The following ARHGAP26 variants were observed in gnomAD, a reference collection of about 807,000 sequenced individuals.
ARHGAP26 encodes rho GTPase-activating protein 26.
ARHGAP26 carries 38 observed loss-of-function variants against 104.8 expected under a neutral mutation model. The observed-to-expected ratio is 0.36, with a 90% CI of 0.28 to 0.48. The LOEUF is 0.48. ARHGAP26 is among the 20% of genes least tolerant of loss of function. The pLI, the probability that ARHGAP26 is intolerant of heterozygous loss-of-function variation, is 0.99. For missense variants in ARHGAP26, 704 were observed against 947.9 expected (o/e 0.74, Z 3.38); for synonymous variants, 341 against 340.0 (o/e 1.00, Z -0.03).
intron 1 of ARHGAP26, among the ~76,000 whole-genome samples, chr5:142,802,917 C>T (rs1429909329): frequency 2.6e-5 from 4 of 152,188 alleles, no homozygotes; most frequent in African/African-American, 9.7e-5. Context: ...CTTGGGCCTA[C>T]CCCATAGGGC....
In ARHGAP26 at chr5:143,227,666, C is replaced by G. The variant is rs1413828577; in HGVS notation, c.*5220C>G. On this transcript the variant is annotated 3_prime_UTR_variant, in exon 23 of 23. Transcript: ENST00000645722. The stretch of plus-strand genomic sequence containing the variant: ...GAGCTTCCCAAAGTGGAGGGAAAGG[C>G]CATAGAATCCAGGTGTCATTCAGAG... 4.8e-5 allele frequency: 11 copies of G among 228,340 alleles called. No homozygotes were observed. The highest frequency in any genetic ancestry group is 6.9e-5 in the Non-Finnish European group (8 of 115,170). The allele number at this position is 228,340 out of a possible 1,614,324, so 14.1% of individuals were successfully genotyped here. A position where few individuals can be genotyped will look rare whatever the true frequency, so the allele number is the denominator to read the frequency against.
chr5:142,803,497 C>G (rs1762429803), intron 1 of ARHGAP26, among the ~76,000 whole-genome samples: 1 of 152,180 alleles, frequency 6.6e-6, no homozygotes, highest in Non-Finnish European at 1.5e-5. Context: ...CCTGGCCTTT[C>G]ACGAAAGGTC....
chr5:142,973,509 A>G (rs965486326), intron 11 of ARHGAP26, among the ~76,000 whole-genome samples: 4 of 152,240 alleles, frequency 2.6e-5, no homozygotes, highest in Non-Finnish European at 4.4e-5. Context: ...GCGAGAATAG[A>G]GAATTTTAAC....
At chr5:143,181,054 C>T (rs1235397256) in intron 20 of ARHGAP26, among the ~76,000 whole-genome samples, 1 of 152,210 alleles carries the variant, frequency 6.6e-6, no homozygotes, top group Admixed American at 6.5e-5. Context: ...ATTCTGTTCT[C>T]ACAGCAGCCT....
At chr5:142,886,709 A>G (rs1757756178) in intron 5 of ARHGAP26, among the ~76,000 whole-genome samples, 1 of 152,172 alleles carries the variant, frequency 6.6e-6, no homozygotes. Flanking sequence ...TGTGATTGAA[A>G]AACCTAAAAA....
intron 1 of ARHGAP26, among the ~76,000 whole-genome samples, chr5:142,870,211 C>T (rs1264445222): frequency 6.6e-6 from 1 of 152,198 alleles, no homozygotes; most frequent in Non-Finnish European, 1.5e-5. Flanking sequence ...TCTCTTTTCT[C>T]TCTCCTCTTA....
chr5:142,910,475 AC>A (rs1248220582), intron 9 of ARHGAP26, among the ~76,000 whole-genome samples: 8 of 152,364 alleles, frequency 5.3e-5, no homozygotes, highest in African/African-American at 1.9e-4. Context: ...GTGGTGGCTC[AC>A]GCCTGTTAAT....
chr5:143,094,354 C>T (rs968989106), intron 17 of ARHGAP26, among the ~76,000 whole-genome samples: 2 of 152,160 alleles, frequency 1.3e-5, no homozygotes, highest in African/African-American at 4.8e-5. Flanking sequence ...TCTTTTTTCC[C>T]TCGCGTTGCT....
In ARHGAP26 at chr5:143,041,840, G is replaced by A. The variant is rs1783517074; in HGVS notation, c.1235G>A (p.Arg412Gln). Residue 412 changes from arginine (R) to glutamine (Q), a missense_variant, in exon 14 of 23, where the codon CGA becomes CAA. Transcript: ENST00000645722. Reference sequence around the variant, plus strand: ...GGGATCAACGAGCAAGGGCTGTATCGAATTGTGGGTGTCAACTCCAGAGTG... The same window carrying A: ...GGGATCAACGAGCAAGGGCTGTATCAAATTGTGGGTGTCAACTCCAGAGTG... ...TRGINEQGLYRIVGVNSRVQK... is the reference protein window; with the variant it reads ...TRGINEQGLYQIVGVNSRVQK... 6.2e-7 allele frequency: 1 copy of A among 1,606,012 alleles called. No individual in the cohort carries two copies. Among genetic ancestry groups the A allele is most frequent in the Non-Finnish European group, 8.5e-7 (1 of 1,176,014 alleles).
At chr5:143,113,787 G>A (rs144727299) in intron 17 of ARHGAP26, among the ~76,000 whole-genome samples, 1 of 152,214 alleles carries the variant, frequency 6.6e-6, no homozygotes, top group African/African-American at 2.4e-5. Flanking sequence ...GAATGAGGGA[G>A]AGGCCCTCTT....
chr5:142,866,355 C>G (rs761925415), intron 1 of ARHGAP26, among the ~76,000 whole-genome samples: 26 of 152,180 alleles, frequency 1.7e-4, no homozygotes, highest in Non-Finnish European at 3.4e-4. Flanking sequence ...TCATTCCCTG[C>G]ATGATCTTGG....
At chr5:142,785,286 T>A (rs1758348219) in intron 1 of ARHGAP26, among the ~76,000 whole-genome samples, 1 of 152,196 alleles carries the variant, frequency 6.6e-6, no homozygotes, top group Admixed American at 6.5e-5. Flanking sequence ...CACATACCCT[T>A]TTCCTTCAGT....
At chr5:143,164,815 T>C (rs1801711720) in intron 20 of ARHGAP26, 1 of 152,178 alleles carries the variant, frequency 6.6e-6, no homozygotes, top group African/African-American at 2.4e-5. Flanking sequence ...GTTCCCAGTG[T>C]AACCCACTGG....
At chr5:143,113,201 G>C (rs1794975545) in intron 17 of ARHGAP26, among the ~76,000 whole-genome samples, 1 of 152,194 alleles carries the variant, frequency 6.6e-6, no homozygotes, top group African/African-American at 2.4e-5. Context: ...TATGCAAAGA[G>C]GTATCTTGTC....
At chr5:143,118,370 T>A (rs969187442) in intron 17 of ARHGAP26, among the ~76,000 whole-genome samples, 1 of 152,178 alleles carries the variant, frequency 6.6e-6, no homozygotes, top group Admixed American at 6.5e-5. Context: ...TTAGAAAGAT[T>A]GAGTCACTCT....
intron 1 of ARHGAP26, among the ~76,000 whole-genome samples, chr5:142,816,242 T>C (rs1265275551): frequency 6.6e-6 from 1 of 152,240 alleles, no homozygotes; most frequent in Non-Finnish European, 1.5e-5. Context: ...ATGTCTTTTT[T>C]TGTTTACCAT....
At chr5:143,001,448 G>A (rs1777178974) in intron 11 of ARHGAP26, among the ~76,000 whole-genome samples, 1 of 152,256 alleles carries the variant, frequency 6.6e-6, no homozygotes, top group South Asian at 2.1e-4. Flanking sequence ...ACTGATGGAT[G>A]ATAGAAAGAT....
chr5:143,075,235 A>G (rs1788825843), intron 17 of ARHGAP26, among the ~76,000 whole-genome samples: 1 of 151,976 alleles, frequency 6.6e-6, no homozygotes, highest in South Asian at 2.1e-4. Flanking sequence ...CCTCTATTAT[A>G]GGGTCAACAT....
intron 1 of ARHGAP26, chr5:142,860,573 A>G (rs1378948300): frequency 1.3e-5 from 2 of 152,240 alleles, no homozygotes; most frequent in Non-Finnish European, 2.9e-5. Flanking sequence ...TCTACAAAAC[A>G]AAGATGTGTT....
Sources: gnomAD v4.1 joint callset for allele counts (sites outside exome capture counted in the v4.1 genomes callset) on GRCh38, gnomAD v4.1.1 for gene constraint, MANE v1.5 for transcripts, NCBI Gene and HGNC (gene_info 2026-07-23, HGNC 2026-07-21) for gene names.